Variants in LCORL observed in about 807,000 individuals in gnomAD.
The protein encoded by LCORL is ligand-dependent nuclear receptor corepressor-like protein.
LCORL carries 41 observed loss-of-function variants against 141.8 expected under a neutral mutation model. That is an observed-to-expected ratio of 0.29 (90% confidence interval 0.23 to 0.38). The LOEUF (loss-of-function observed/expected upper bound fraction) is 0.38, where lower values mean the gene tolerates loss of function less well. Ranked by LOEUF, LCORL falls within the 10% of genes least tolerant of loss-of-function variation. The pLI, the probability that LCORL is intolerant of heterozygous loss-of-function variation, is 1.00. For missense variants in LCORL, 1,759 were observed against 2,035.0 expected (o/e 0.86, Z 2.61); for synonymous variants, 618 against 694.1 (o/e 0.89, Z 1.72).
chr4:17,939,987 T>C (rs1482460930), intron 4 of LCORL, among the ~76,000 whole-genome samples: 1 of 150,212 alleles, frequency 6.7e-6, no homozygotes, highest in African/African-American at 2.4e-5. Flanking sequence ...GCATGTACTA[T>C]ATATGCATAT....
chr4:17,846,440 G>T (rs1722948527), intron 7 of LCORL, among the ~76,000 whole-genome samples: 1 of 152,110 alleles, frequency 6.6e-6, no homozygotes, highest in South Asian at 2.1e-4. Context: ...GCCTGGAACT[G>T]GAATACAGCC....
intron 5 of LCORL, among the ~76,000 whole-genome samples, chr4:17,902,216 TATC>T (rs1456971566): frequency 6.6e-6 from 1 of 152,080 alleles, no homozygotes; most frequent in Non-Finnish European, 1.5e-5. Context: ...TTTTAGACGT[TATC>T]TAAAGGGCAA....
chr4:18,018,221 T>C (rs949277700), intron 1 of LCORL, among the ~76,000 whole-genome samples: 6 of 152,164 alleles, frequency 3.9e-5, no homozygotes, highest in Non-Finnish European at 7.4e-5. Context: ...ATGCTAATTA[T>C]ATTATACATT....
At chr4:17,949,344 C>T (rs1293391608) in intron 4 of LCORL, among the ~76,000 whole-genome samples, 2 of 152,056 alleles carry the variant, frequency 1.3e-5, no homozygotes, top group Non-Finnish European at 2.9e-5. Flanking sequence ...CTTGGAAAAA[C>T]GAACACATTA....
At chr4:17,921,309 T>C (rs914422663) in intron 4 of LCORL, among the ~76,000 whole-genome samples, 2 of 152,132 alleles carry the variant, frequency 1.3e-5, no homozygotes, top group East Asian at 1.9e-4. Context: ...ATTACAGGCG[T>C]TGAGCCACCG....
chr4:17,928,501 T>C (rs771960209), intron 4 of LCORL, among the ~76,000 whole-genome samples: 1 of 152,176 alleles, frequency 6.6e-6, no homozygotes, highest in Non-Finnish European at 1.5e-5. Flanking sequence ...ATAATCTCCA[T>C]ACATGTAGAG....
At chr4:17,961,944 C>T in exon 4 of LCORL, 1 of 1,610,504 alleles carries the variant, frequency 6.2e-7, no homozygotes. Flanking sequence ...TTCTGCTTGG[C>T]ATTCAATCTT....
At chr4:17,987,614 T>C (rs1719216485) in intron 1 of LCORL, among the ~76,000 whole-genome samples, 2 of 152,170 alleles carry the variant, frequency 1.3e-5, no homozygotes, top group Admixed American at 1.3e-4. Flanking sequence ...TAAAAAAAAC[T>C]GACAAACTGC....
intron 7 of LCORL, among the ~76,000 whole-genome samples, chr4:17,856,123 A>T (rs1724337609): frequency 6.6e-6 from 1 of 152,216 alleles, no homozygotes; most frequent in Non-Finnish European, 1.5e-5. Context: ...CTTTTACTCC[A>T]TTAAAATAGC....
At chr4:17,937,119 T>C (rs1472423511) in intron 4 of LCORL, among the ~76,000 whole-genome samples, 1 of 152,178 alleles carries the variant, frequency 6.6e-6, no homozygotes, top group African/African-American at 2.4e-5. Context: ...CCAGCTTAGG[T>C]GGGTCTTTGT....
chr4:18,016,482 T>A (rs1223745557), intron 1 of LCORL, among the ~76,000 whole-genome samples: 2 of 152,150 alleles, frequency 1.3e-5, no homozygotes, highest in African/African-American at 4.8e-5. Context: ...GGTATCATGG[T>A]AATCAAGAGT....
At chr4:17,847,283 A>T (rs1261280878) in intron 7 of LCORL, among the ~76,000 whole-genome samples, 1 of 152,212 alleles carries the variant, frequency 6.6e-6, no homozygotes, top group African/African-American at 2.4e-5. Flanking sequence ...AAGTCTTCCT[A>T]TTAGCAATGA....
At chr4:17,917,568 T>C (rs1313838851) in intron 4 of LCORL, among the ~76,000 whole-genome samples, 1 of 152,254 alleles carries the variant, frequency 6.6e-6, no homozygotes, top group Non-Finnish European at 1.5e-5. Context: ...TTTGATTGTT[T>C]TGAAAATTCT....
chr4:17,926,285 A>G (rs1429090683), intron 4 of LCORL, among the ~76,000 whole-genome samples: 2 of 150,718 alleles, frequency 1.3e-5, no homozygotes, highest in Non-Finnish European at 2.9e-5. Flanking sequence ...TCAGTGGACT[A>G]GGAGAGGTAG....
chr4:17,959,820 A>G (rs1713422123), intron 4 of LCORL, among the ~76,000 whole-genome samples: 1 of 152,126 alleles, frequency 6.6e-6, no homozygotes, highest in Non-Finnish European at 1.5e-5. Context: ...GGGAAAAAAA[A>G]TCTGCACTAA....
At chr4:17,875,297 C>A in exon 7 of LCORL, 2 of 1,231,342 alleles carry the variant, frequency 1.6e-6, no homozygotes, top group Non-Finnish European at 2.0e-6. Flanking sequence ...GAATAATGTT[C>A]TTGGAAGGCT....
At chr4:17,881,334 A>T (rs1727546424) in intron 6 of LCORL, 1 of 981,760 alleles carries the variant, frequency 1.0e-6, no homozygotes, top group African/African-American at 1.8e-5. Flanking sequence ...CATAAAGGTC[A>T]TCTTAATAGA....
Position 17,925,878 on chromosome 4 carries a change from C to CAAA in LCORL, c.431-16536_431-16534dup, listed in dbSNP as rs71167343. 4.7e-4 allele frequency among the ~76,000 whole-genome samples: 45 copies of CAAA among 96,608 alleles called. 3 individuals are homozygous for CAAA. Among genetic ancestry groups the CAAA allele is most frequent in the African/African-American group, 1.9e-3 (36 of 18,594 alleles). The allele number at this position is 96,608 out of a possible 152,430, so 63.4% of individuals were successfully genotyped here. On this transcript the variant is annotated intron_variant, in intron 4 of 7. Transcript: ENST00000635767. ...AGAGTGACAGAGTGAGATTCCATCT[C>CAAA]AAAAAAAAAAAAAAAAAAAAAAAAA...
chr4:17,901,080 T>A (rs1730793572), intron 5 of LCORL, among the ~76,000 whole-genome samples: 1 of 151,952 alleles, frequency 6.6e-6, no homozygotes, highest in South Asian at 2.1e-4. Flanking sequence ...TTAAAAAAAA[T>A]GTAATTGCTA....
Sources: gnomAD v4.1 joint callset for allele counts (sites outside exome capture counted in the v4.1 genomes callset) on GRCh38, gnomAD v4.1.1 for gene constraint, MANE v1.5 for transcripts, NCBI Gene and HGNC (gene_info 2026-07-23, HGNC 2026-07-21) for gene names.